Variants in PTK2B observed in about 807,000 individuals in gnomAD.
PTK2B encodes the protein protein tyrosine kinase 2 beta, also known as protein-tyrosine kinase 2-beta.
Under a neutral mutation model 142.9 loss-of-function variants are expected in PTK2B, and 71 were observed. The ratio of observed to expected loss-of-function variants is 0.50; its 90% CI spans 0.41 to 0.61. The LOEUF (loss-of-function observed/expected upper bound fraction) is 0.61, where lower values mean the gene tolerates loss of function less well. PTK2B is among the 20% of genes least tolerant of loss of function. The pLI, the probability that PTK2B is intolerant of heterozygous loss-of-function variation, is 0.00. For missense variants in PTK2B, 1,105 were observed against 1,320.4 expected (o/e 0.84, Z 2.53); for synonymous variants, 519 against 503.4 (o/e 1.03, Z -0.42).
intron 1 of PTK2B, among the ~76,000 whole-genome samples, chr8:27,365,457 G>A (rs1805966389): frequency 6.6e-6 from 1 of 152,136 alleles, no homozygotes; most frequent in Non-Finnish European, 1.5e-5. Flanking sequence ...ACAGGGACCT[G>A]CCTAAGCCTT....
In PTK2B at chr8:27,433,548, G is replaced by A; in HGVS notation, c.1101G>A (p.Arg367=). 6.2e-7 allele frequency: 1 copy of A among 1,613,044 alleles called. No individual in the cohort carries two copies. The highest frequency in any genetic ancestry group is 8.5e-7 in the Non-Finnish European group (1 of 1,179,012). Residue 367 remains arginine (R), a synonymous_variant, in exon 11 of 31, where the codon AGG becomes AGA. Coordinates refer to ENST00000346049, the MANE Select transcript of PTK2B (RefSeq NM_173176.3). ...AAGGCTCTCTCATCATCCATCCTAG[G>A]AAAGGTGGGTTCCATTTAAAGGTAA... ...EHQGSLIIHP[R]KDGEKRNSLP...
chr8:27,455,704 G>A (rs1468567891), intron 30 of PTK2B, among the ~76,000 whole-genome samples: 1 of 152,248 alleles, frequency 6.6e-6, no homozygotes, highest in Non-Finnish European at 1.5e-5. Context: ...GGGAGAACAA[G>A]CCCTGTGGCC....
intron 1 of PTK2B, among the ~76,000 whole-genome samples, chr8:27,393,659 A>G (rs1807857651): frequency 6.6e-6 from 1 of 152,132 alleles, no homozygotes; most frequent in Non-Finnish European, 1.5e-5. Context: ...TCTCATTGCT[A>G]CATTTTTTTC....
intron 1 of PTK2B, among the ~76,000 whole-genome samples, chr8:27,384,886 T>C (rs1229949978): frequency 6.6e-6 from 1 of 152,202 alleles, no homozygotes; most frequent in African/African-American, 2.4e-5. Context: ...AGCAACGTTT[T>C]ACCATTAGAA....
chr8:27,321,856 T>G (rs1803224672), upstream of PTK2B, among the ~76,000 whole-genome samples: 1 of 152,232 alleles, frequency 6.6e-6, no homozygotes, highest in African/African-American at 2.4e-5. Flanking sequence ...TTGAGTTCTA[T>G]TCAAGCCATA....
At chr8:27,320,422 TC>T (rs1232084157) in intron 3 of PTK2B, among the ~76,000 whole-genome samples, 1 of 151,914 alleles carries the variant, frequency 6.6e-6, no homozygotes, top group Non-Finnish European at 1.5e-5. Context: ...CTGCCCCAAC[TC>T]CCCACCCTGC....
At chr8:27,407,810 C>G (rs371450475) in intron 2 of PTK2B, among the ~76,000 whole-genome samples, 3 of 152,164 alleles carry the variant, frequency 2.0e-5, no homozygotes, top group East Asian at 3.9e-4. Flanking sequence ...TCCTTCCCCC[C>G]TTACCCATCA....
chr8:27,317,482 T>C (rs891546316), intron 3 of PTK2B, among the ~76,000 whole-genome samples: 2 of 152,270 alleles, frequency 1.3e-5, no homozygotes, highest in African/African-American at 4.8e-5. Flanking sequence ...CAATGTTTTG[T>C]AGTTCTCATC....
At chr8:27,389,627 G>A (rs532625211) in intron 1 of PTK2B, among the ~76,000 whole-genome samples, 28 of 152,360 alleles carry the variant, frequency 1.8e-4, no homozygotes, top group African/African-American at 6.5e-4. Context: ...AATGGGTGCG[G>A]GGGTGGGGAG....
intron 23 of PTK2B, among the ~76,000 whole-genome samples, chr8:27,445,038 A>G (rs1355345685): frequency 6.6e-6 from 1 of 152,012 alleles, no homozygotes; most frequent in African/African-American, 2.4e-5. Flanking sequence ...AGATGGAAAA[A>G]TCGTTCTGAA....
At chr8:27,358,206 C>T (rs918620990) in intron 1 of PTK2B, among the ~76,000 whole-genome samples, 2 of 152,212 alleles carry the variant, frequency 1.3e-5, no homozygotes, top group Non-Finnish European at 2.9e-5. Flanking sequence ...GTGGATATAG[C>T]TCTGCACTGT....
At chr8:27,399,543 G>A (rs1253972267) in intron 2 of PTK2B, among the ~76,000 whole-genome samples, 3 of 152,156 alleles carry the variant, frequency 2.0e-5, no homozygotes, top group African/African-American at 7.2e-5. Context: ...TTTTAAGCAG[G>A]GGCAAGATAT....
chr8:27,311,156 G>C, upstream of PTK2B: 1 of 1,607,244 alleles, frequency 6.2e-7, no homozygotes, highest in South Asian at 1.1e-5. Flanking sequence ...GTCGCGGAAG[G>C]GGTCGTAGCA....
intron 3 of PTK2B, among the ~76,000 whole-genome samples, 160 bp from the exon 4 acceptor site, chr8:27,420,497 G>A (rs560732196): frequency 6.6e-6 from 1 of 152,310 alleles, no homozygotes; most frequent in East Asian, 1.9e-4. Flanking sequence ...CCGCAGAGGA[G>A]GGAAAGAGAA....
At chr8:27,357,692 G>C (rs1166370467) in intron 1 of PTK2B, among the ~76,000 whole-genome samples, 2 of 152,230 alleles carry the variant, frequency 1.3e-5, no homozygotes, top group Non-Finnish European at 2.9e-5. Context: ...ATCTGAGTGA[G>C]ATAAAGATAT....
intron 24 of PTK2B, among the ~76,000 whole-genome samples, chr8:27,450,004 C>T (rs1332801451): frequency 6.6e-6 from 1 of 152,134 alleles, no homozygotes; most frequent in Non-Finnish European, 1.5e-5. Context: ...GCTATGATTG[C>T]ATTTATCTTA....
intron 2 of PTK2B, among the ~76,000 whole-genome samples, chr8:27,416,222 A>G (rs1404071775): frequency 2.0e-5 from 3 of 152,244 alleles, no homozygotes; most frequent in African/African-American, 7.2e-5. Flanking sequence ...ACCTAGCCCA[A>G]TAATCTAGGG....
At chr8:27,381,930 T>G (rs374699795) in intron 1 of PTK2B, among the ~76,000 whole-genome samples, 2 of 152,316 alleles carry the variant, frequency 1.3e-5, no homozygotes, top group African/African-American at 4.8e-5. Flanking sequence ...ATATTTTCAT[T>G]TATCTGTTGG....
At chr8:27,378,217 G>A (rs1002137956) in intron 1 of PTK2B, among the ~76,000 whole-genome samples, 6 of 151,888 alleles carry the variant, frequency 4.0e-5, no homozygotes, top group Admixed American at 6.5e-5. Flanking sequence ...TGTAGCTAAC[G>A]AGTTTAGCTC....
Sources: allele counts gnomAD v4.1 joint callset (sites outside exome capture counted in the v4.1 genomes callset), GRCh38; gene constraint gnomAD v4.1.1; transcripts MANE v1.5; gene names NCBI Gene and HGNC (gene_info 2026-07-23, HGNC 2026-07-21).